Variants in DTNB observed in about 807,000 individuals in gnomAD.
The protein encoded by DTNB is DTN-B.
Under a neutral mutation model 90.7 loss-of-function variants are expected in DTNB, and 63 were observed. The ratio of observed to expected loss-of-function variants is 0.69; its 90% confidence interval spans 0.57 to 0.86. The LOEUF (loss-of-function observed/expected upper bound fraction) is 0.86. DTNB is among the 40% of genes least tolerant of loss of function. DTNB has a pLI of 0.00. For synonymous variants in DTNB, 277 were observed against 286.7 expected (o/e 0.97, Z 0.34); for missense variants, 744 against 807.1 (o/e 0.92, Z 0.95).
chr2:25,562,267 T>C (rs1167787334), intron 8 of DTNB, among the ~76,000 whole-genome samples: 1 of 152,236 alleles, frequency 6.6e-6, no homozygotes, highest in African/African-American at 2.4e-5. Context: ...CAGTACCTCA[T>C]TTCTTTTGCT....
intron 3 of DTNB, among the ~76,000 whole-genome samples, chr2:25,635,968 C>T (rs1472812429): frequency 6.6e-6 from 1 of 152,112 alleles, no homozygotes; most frequent in Non-Finnish European, 1.5e-5. Context: ...AAAAGCAGAC[C>T]TTCTCATATA....
intron 15 of DTNB, among the ~76,000 whole-genome samples, chr2:25,422,202 C>A (rs890730812): frequency 6.6e-6 from 1 of 152,068 alleles, no homozygotes; most frequent in Admixed American, 6.6e-5. Context: ...CTTAGAACTG[C>A]TTATGTCACC....
intron 9 of DTNB, among the ~76,000 whole-genome samples, chr2:25,524,646 T>A (rs963589078): frequency 6.6e-6 from 1 of 152,084 alleles, no homozygotes; most frequent in African/African-American, 2.4e-5. Context: ...GTGGTATGTG[T>A]CATTTCTGAA....
chr2:25,501,903 TG>T (rs1558785243), intron 9 of DTNB, among the ~76,000 whole-genome samples: 1 of 152,150 alleles, frequency 6.6e-6, no homozygotes, highest in Non-Finnish European at 1.5e-5. Flanking sequence ...AAAAAAATCC[TG>T]GCCAAATGCA....
intron 9 of DTNB, among the ~76,000 whole-genome samples, chr2:25,503,648 C>A (rs1412340684): frequency 1.3e-5 from 2 of 152,178 alleles, no homozygotes; most frequent in Non-Finnish European, 2.9e-5. Flanking sequence ...GGCACAGTGG[C>A]TCACGCCTGT....
intron 5 of DTNB, among the ~76,000 whole-genome samples, chr2:25,602,873 T>C (rs1295330590): frequency 6.6e-6 from 1 of 152,224 alleles, no homozygotes; most frequent in Non-Finnish European, 1.5e-5. Context: ...AAAGGCATTA[T>C]ATTCAATCAT....
chr2:25,441,717 A>G (rs534519199), intron 12 of DTNB, among the ~76,000 whole-genome samples: 109 of 152,342 alleles, frequency 7.2e-4, no homozygotes, highest in African/African-American at 2.5e-3. Flanking sequence ...TCTTAACAAA[A>G]ACTTACAAAC....
At chr2:25,418,180 C>T (rs1360258051) in intron 16 of DTNB, among the ~76,000 whole-genome samples, 1 of 152,114 alleles carries the variant, frequency 6.6e-6, no homozygotes, top group African/African-American at 2.4e-5. Flanking sequence ...CCACGAAAGC[C>T]ATCAGATTTC....
At chr2:25,660,084 A>G (rs2082850764) in intron 1 of DTNB, among the ~76,000 whole-genome samples, 1 of 152,230 alleles carries the variant, frequency 6.6e-6, no homozygotes, top group South Asian at 2.1e-4. Context: ...CTGGGAGTCC[A>G]GAAATATATC....
chr2:25,548,463 T>C (rs577844388), intron 8 of DTNB, among the ~76,000 whole-genome samples: 2 of 152,066 alleles, frequency 1.3e-5, no homozygotes, highest in South Asian at 4.2e-4. Flanking sequence ...TGCATTGTGG[T>C]CAGGGAGGCT....
intron 8 of DTNB, among the ~76,000 whole-genome samples, chr2:25,550,913 G>A (rs771352055): frequency 6.6e-6 from 1 of 152,190 alleles, no homozygotes. Context: ...GCCTCCCAAA[G>A]TGCTGGGATT....
intron 10 of DTNB, among the ~76,000 whole-genome samples, chr2:25,471,387 CTTT>C (rs34374443): frequency 0.014 from 1,934 of 141,894 alleles, 20 homozygotes; most frequent in Middle Eastern, 0.048. Context: ...CATGAAAAAT[CTTT>C]TTTTTTTTTT....
intron 16 of DTNB, among the ~76,000 whole-genome samples, chr2:25,398,260 T>C (rs951547297): frequency 6.6e-6 from 1 of 152,230 alleles, no homozygotes; most frequent in African/African-American, 2.4e-5. Context: ...ACCTAGGGCA[T>C]GCCTTCTGAG....
intron 1 of DTNB, among the ~76,000 whole-genome samples, chr2:25,667,942 T>C (rs1366394823): frequency 6.6e-6 from 1 of 152,090 alleles, no homozygotes; most frequent in Non-Finnish European, 1.5e-5. Flanking sequence ...CATTCGGCGC[T>C]AAAAAGAAAT....
intron 10 of DTNB, among the ~76,000 whole-genome samples, chr2:25,466,237 G>T (rs188641884): frequency 8.3e-4 from 126 of 152,316 alleles, no homozygotes; most frequent in African/African-American, 2.8e-3. Context: ...TTGGGAAGCT[G>T]AGGCAGAGAA....
chr2:25,535,963 G>A (rs1415673363), intron 8 of DTNB, among the ~76,000 whole-genome samples: 15 of 144,722 alleles, frequency 1.0e-4, no homozygotes, highest in Admixed American at 2.7e-4. Context: ...TGGGGCAGCC[G>A]GGCAGAGGCG....
At chr2:25,439,255 C>A (rs1018309725) in intron 12 of DTNB, among the ~76,000 whole-genome samples, 6 of 152,122 alleles carry the variant, frequency 3.9e-5, no homozygotes, top group Admixed American at 1.3e-4. Context: ...AATCCCAGCA[C>A]TCTGGGAGAC....
chr2:25,660,216 T>C (rs937438764), intron 1 of DTNB, among the ~76,000 whole-genome samples: 4 of 152,200 alleles, frequency 2.6e-5, no homozygotes, highest in African/African-American at 7.2e-5. Context: ...AATTGTGGCA[T>C]ATACATACAA....
intron 10 of DTNB, among the ~76,000 whole-genome samples, chr2:25,465,535 G>C (rs1421304675): frequency 6.6e-6 from 1 of 152,038 alleles, no homozygotes; most frequent in Admixed American, 6.6e-5. Flanking sequence ...TGTGTGATCT[G>C]GCCCCTTGCT....
Sources: gnomAD v4.1 joint callset for allele counts (sites outside exome capture counted in the v4.1 genomes callset) on GRCh38, gnomAD v4.1.1 for gene constraint, MANE v1.5 for transcripts, NCBI Gene and HGNC (gene_info 2026-07-23, HGNC 2026-07-21) for gene names.